SLITRK4: variants seen among roughly 807,000 people sequenced by gnomAD.
The protein encoded by SLITRK4 is SLIT and NTRK like family member 4.
In SLITRK4, 7 loss-of-function variants were observed where a neutral mutation model predicts 34.7. That is an observed-to-expected ratio of 0.20 (90% CI 0.11 to 0.38). The LOEUF is 0.38. Among genes scored for constraint, SLITRK4 ranks in the 10% least tolerant of loss-of-function variants. SLITRK4 has a pLI of 1.00. For missense variants in SLITRK4, 474 were observed against 607.0 expected (o/e 0.78, Z 2.30); for synonymous variants, 237 against 246.2 (o/e 0.96, Z 0.35).
At position 143,629,186 on chromosome X, in the gene SLITRK4, A is replaced by C; in HGVS notation, c.1923T>G (p.Phe641Leu). ...TVFVAFCLLV[F>L]VLRRNKKPTV... ...TGGGTTTCTTGTTGCGTCGCAGGACAAAAACAAGAAGGCAAAAAGCAACAA... is the reference window on the plus strand; with the variant it reads ...TGGGTTTCTTGTTGCGTCGCAGGACCAAAACAAGAAGGCAAAAAGCAACAA... The change falls in exon 2 of 2, where the codon TTT (phenylalanine) becomes TTG (leucine). Residue 641 changes from phenylalanine (F) to leucine (L), a missense_variant. Physicochemically the swap from Phe to Leu is conservative, Grantham distance 22 (BLOSUM62 0). Coordinates refer to ENST00000356928, the MANE Select transcript of SLITRK4 (RefSeq NM_001184749.3). 1 of 1,211,610 alleles carries C rather than the reference A, an allele frequency of 8.3e-7. No individual in the cohort carries two copies. The highest frequency in any genetic ancestry group is 1.7e-5 in the African/African-American group (1 of 57,811).
In SLITRK4 at chrX:143,625,987, G is replaced by A. The variant is rs1320817758; in HGVS notation, c.*2608C>T. On this transcript the variant is annotated 3_prime_UTR_variant, in exon 2 of 2. Transcript: ENST00000356928. ...GCTACAGCAAGCTTTTGAGATGGTG[G>A]CAGGTACTCTTGCCATTGAGAATTC... 1 of 111,491 alleles carries A rather than the reference G, an allele frequency of 9.0e-6. No homozygotes were observed. Among genetic ancestry groups the A allele is most frequent in the Non-Finnish European group, 1.9e-5 (1 of 52,825 alleles). 9.2% of individuals were successfully genotyped at this position (111,491 alleles called of 1,213,427 possible). A position where few individuals can be genotyped will look rare whatever the true frequency, so the allele number is the denominator to read the frequency against.
Position 143,629,843 on chromosome X carries a change from G to A in SLITRK4, c.1266C>T (p.His422=). Residue 422 remains histidine, a synonymous_variant, in exon 2 of 2, where the codon CAC becomes CAT. Transcript: ENST00000356928. ...QITVIKGDVF[H]NLTNLRRLYL... is the part of the protein sequence containing the mutation. ...ATAGCCTGCGTAAATTAGTGAGATTGTGAAATACGTCTCCCTTAATCACTG... is the reference window on the plus strand; with the variant it reads ...ATAGCCTGCGTAAATTAGTGAGATTATGAAATACGTCTCCCTTAATCACTG... 8.3e-7 allele frequency: 1 copy of A among 1,210,228 alleles called. No homozygotes were observed. Among genetic ancestry groups the A allele is most frequent in the Non-Finnish European group, 1.1e-6 (1 of 894,351 alleles).
intron 1 of SLITRK4, 100 bp from the exon 2 acceptor site, chrX:143,631,258 G>T: frequency 2.2e-6 from 1 of 447,738 alleles, no homozygotes; most frequent in Non-Finnish European, 3.6e-6. Flanking sequence ...AATTACCAGA[G>T]TTGTATTTGT....
chrX:143,628,640 G>A lies in SLITRK4; in HGVS notation c.2469C>T (p.Asp823=). ...ELKAKLQSSP[D]YLQVLEEQTA... is the part of the protein sequence containing the mutation. ...TTTGCTCCTCAAGGACCTGTAGGTA[G>A]TCAGGGGAACTCTGCAGTTTCGCCT... Residue 823 remains aspartate (D), a synonymous_variant, in exon 2 of 2, where the codon GAC becomes GAT. Transcript: ENST00000356928. The A allele has an allele frequency of 8.3e-7, 1 of 1,207,725 alleles. No individual in the cohort carries two copies. Among genetic ancestry groups the A allele is most frequent in the Non-Finnish European group, 1.1e-6 (1 of 893,866 alleles).
At position 143,628,539 on chromosome X, in the gene SLITRK4, A is replaced by G; in HGVS notation, c.*56T>C. 2.0e-6 allele frequency: 2 copies of G among 1,021,797 alleles called. No homozygotes were observed. Among genetic ancestry groups the G allele is most frequent in the South Asian group, 4.7e-5 (2 of 42,971 alleles). The allele number at this position is 1,021,797 out of a possible 1,213,427, so 84.2% of individuals were successfully genotyped here. A position where few individuals can be genotyped will look rare whatever the true frequency, so the allele number is the denominator to read the frequency against. ...TAGTATTTGGAAGTTAGAAGTCAAC[A>G]AAAGGCACTTTCATCATTAAATAAA... On this transcript the variant is annotated 3_prime_UTR_variant, in exon 2 of 2. Coordinates refer to ENST00000356928, the MANE Select transcript of SLITRK4 (RefSeq NM_001184749.3).
rs1364282360 is a variant in SLITRK4, at chrX:143,627,595, T to C, written c.*1000A>G. On this transcript the variant is annotated 3_prime_UTR_variant, in exon 2 of 2. Transcript: ENST00000356928. The stretch of plus-strand genomic sequence containing the variant: ...GTATATTTCTTTCTGTCTACATTTA[T>C]ACTTACTGATAAATTCACTGTGATC... The C allele has an allele frequency of 2.7e-5, 3 of 111,850 alleles. No homozygotes were observed. Among genetic ancestry groups the C allele is most frequent in the African/African-American group, 9.7e-5 (3 of 30,825 alleles). 9.2% of individuals were successfully genotyped at this position (111,850 alleles called of 1,213,427 possible).
rs201657858 is a variant in SLITRK4 at position 143,628,168 on chromosome X, C to CAA, written c.*425_*426dup. 9.8e-6 allele frequency: 1 copy of CAA among 101,981 alleles called. No individual in the cohort carries two copies. Among genetic ancestry groups the CAA allele is most frequent in the African/African-American group, 4.8e-5 (1 of 20,904 alleles). 8.4% of individuals were successfully genotyped at this position (101,981 alleles called of 1,213,427 possible). A position where few individuals can be genotyped will look rare whatever the true frequency, so the allele number is the denominator to read the frequency against. ...TTTACACGGAGTTGTTACAATGCCA[C>CAA]AAATCAAAAGGATTATTCCAGTTCC... On this transcript the variant is annotated 3_prime_UTR_variant, in exon 2 of 2. Transcript: ENST00000356928.
rs782669655 is a variant in SLITRK4, at chrX:143,624,955, A to T, written c.*3640T>A. ...ATTTTAAAATAGTGATTATAAATACATTCTTAATATAGTTTCTCCCCAACT... is the reference window on the plus strand; with the variant it reads ...ATTTTAAAATAGTGATTATAAATACTTTCTTAATATAGTTTCTCCCCAACT... On this transcript the variant is annotated 3_prime_UTR_variant, in exon 2 of 2. Transcript: ENST00000356928. 10 of 111,446 alleles carry T rather than the reference A, an allele frequency of 9.0e-5. 1 individual carries two copies. In the South Asian group the frequency reaches 3.7e-3, roughly 41 times the overall value. 9.2% of individuals were successfully genotyped at this position (111,446 alleles called of 1,213,427 possible).
At position 143,629,410 on chromosome X, in the gene SLITRK4, C is replaced by T; in HGVS notation, c.1699G>A (p.Ala567Thr). The T allele has an allele frequency of 1.7e-6, 2 of 1,211,343 alleles. No individual in the cohort carries two copies. The highest frequency in any genetic ancestry group is 2.2e-6 in the Non-Finnish European group (2 of 895,425). The change falls in exon 2 of 2, where the codon GCC becomes ACC. Residue 567 changes from alanine to threonine, a missense_variant. Coordinates refer to ENST00000356928, the MANE Select transcript of SLITRK4 (RefSeq NM_001184749.3). The stretch of plus-strand genomic sequence containing the variant: ...TTGAGGGACTTCAGTTCAATGTTGG[C>T]AAACTGAACAGGCGTCTCACATTTC... ...ELKCETPVQFANIELKSLKNE... is the reference protein window; with the variant it reads ...ELKCETPVQFTNIELKSLKNE...
At chrX:143,632,003 G>A (rs1931054685) in intron 1 of SLITRK4, among the ~76,000 whole-genome samples, 1 of 111,871 alleles carries the variant, frequency 8.9e-6, no homozygotes, top group African/African-American at 3.3e-5. Context: ...TCTCCAGGCA[G>A]TCTTTCCACT....
chrX:143,631,864 T>C (rs1931050428), intron 1 of SLITRK4, among the ~76,000 whole-genome samples: 2 of 111,642 alleles, frequency 1.8e-5, no homozygotes, highest in Admixed American at 1.9e-4. Context: ...GGCCAAATTT[T>C]ATTTTCTGGT....
rs1208162115 is a variant in SLITRK4 at position 143,624,111 on chromosome X, A to G, written c.*4484T>C. On this transcript the variant is annotated 3_prime_UTR_variant, in exon 2 of 2. Transcript: ENST00000356928. ...TTTCTGTGTTTACTTTTCTTACCAT[A>G]AATATATGAACCTTAAACCCACTGT... The G allele has an allele frequency of 9.0e-6, 1 of 111,621 alleles. No homozygotes were observed. Among genetic ancestry groups the G allele is most frequent in the African/African-American group, 3.2e-5 (1 of 30,843 alleles). The allele number at this position is 111,621 out of a possible 1,213,427, so 9.2% of individuals were successfully genotyped here. A position where few individuals can be genotyped will look rare whatever the true frequency, so the allele number is the denominator to read the frequency against.
chrX:143,631,396 T>C lies in SLITRK4; in HGVS notation c.-50-238A>G, dbSNP rs191254740. 4.8e-3 allele frequency among the ~76,000 whole-genome samples: 535 copies of C among 111,216 alleles called. 1 individual carries two copies. Among genetic ancestry groups the C allele is most frequent in the African/African-American group, 0.016 (503 of 30,576 alleles). ...CATGTGCAGAACACACAACTAACAG[T>C]AGGAAAATATATTATCAATCATGCT... On this transcript the variant is annotated intron_variant, in intron 1 of 1. Transcript: ENST00000356928.
At position 143,630,137 on chromosome X, in the gene SLITRK4, G is replaced by T; in HGVS notation, c.972C>A (p.Arg324=). The T allele has an allele frequency of 8.3e-7, 1 of 1,212,021 alleles. No homozygotes were observed. The highest frequency in any genetic ancestry group is 1.8e-5 in the South Asian group (1 of 57,000). ...GIVAGKALSN[R]NLSQIVSYQT... ...GGTAAGACACAATCTGACTGAGATT[G>T]CGGTTGGAGAGGGCTTTGCCTGCAA... is the stretch of plus-strand genomic sequence containing the variant. Residue 324 remains arginine (R), a synonymous_variant, in exon 2 of 2, where the codon CGC becomes CGA. Coordinates refer to ENST00000356928, the MANE Select transcript of SLITRK4 (RefSeq NM_001184749.3).
Position 143,629,349 on chromosome X carries a change from G to A in SLITRK4, c.1760C>T (p.Pro587Leu), listed in dbSNP as rs1292818470. 1.2e-5 allele frequency: 14 copies of A among 1,209,763 alleles called. No individual in the cohort carries two copies. In the East Asian group the frequency reaches 1.8e-4, roughly 15 times the overall value. Reference sequence around the variant, plus strand: ...TGCAGGGCTTGTGAATGGTGCAGACGGCTTATTTAAAAGTTTGGGACATAA... The same window carrying A: ...TGCAGGGCTTGTGAATGGTGCAGACAGCTTATTTAAAAGTTTGGGACATAA... ...EILCPKLLNK[P>L]SAPFTSPAPA... is the part of the protein sequence containing the mutation. The change falls in exon 2 of 2, where the codon CCG becomes CTG. Residue 587 changes from proline to leucine, a missense_variant. Pro to Leu is a moderately conservative substitution (Grantham distance 98). Coordinates refer to ENST00000356928, the MANE Select transcript of SLITRK4 (RefSeq NM_001184749.3).
In SLITRK4 at chrX:143,630,929, A is replaced by C; in HGVS notation, c.180T>G (p.Asn60Lys). Residue 60 changes from asparagine (N) to lysine (K), a missense_variant, in exon 2 of 2, where the codon AAT (asparagine) becomes AAG (lysine). Asn to Lys is a moderately conservative substitution (Grantham distance 94). Around this residue, in one of 3 missense-constraint regions of SLITRK4, gnomAD observed 84 missense variants for 101.3 expected, o/e 0.83. Coordinates refer to ENST00000356928, the MANE Select transcript of SLITRK4 (RefSeq NM_001184749.3). ...RPNQLKPPWSNFYHLNFQNNF... is the reference protein window; with the variant it reads ...RPNQLKPPWSKFYHLNFQNNF... ...TATTTTGGAAATTGAGGTGATAAAA[A>C]TTAGACCAAGGTGGTTTCAGCTGAT... 8.3e-7 allele frequency: 1 copy of C among 1,207,575 alleles called. No homozygotes were observed. The highest frequency in any genetic ancestry group is 1.1e-6 in the Non-Finnish European group (1 of 894,336).
At position 143,628,715 on chromosome X, in the gene SLITRK4, G is replaced by A; in HGVS notation, c.2394C>T (p.Asn798=). ...KKSKKSLIGG[N]HSKIVVEQRK... is the part of the protein sequence containing the mutation. ...TTTGTTCCACAACAATTTTACTGTG[G>A]TTGCCACCTATCAGTGACTTCTTAC... is the stretch of plus-strand genomic sequence containing the variant. Residue 798 remains asparagine (N), a synonymous_variant, in exon 2 of 2, where the codon AAC becomes AAT. Coordinates refer to ENST00000356928, the MANE Select transcript of SLITRK4 (RefSeq NM_001184749.3). 8.3e-7 allele frequency: 1 copy of A among 1,211,414 alleles called. No individual in the cohort carries two copies. The highest frequency in any genetic ancestry group is 1.1e-6 in the Non-Finnish European group (1 of 895,440).
In SLITRK4 at chrX:143,629,826, C is replaced by T. The variant is rs782819249; in HGVS notation, c.1283G>A (p.Arg428His). 7 of 1,209,699 alleles carry T rather than the reference C, an allele frequency of 5.8e-6. No homozygotes were observed. The highest frequency in any genetic ancestry group is 7.8e-6 in the Non-Finnish European group (7 of 894,059). ...TTGATTGCCATTGAGATATAGCCTG[C>T]GTAAATTAGTGAGATTGTGAAATAC... Reference protein sequence around the residue: ...GDVFHNLTNLRRLYLNGNQIE... With the variant: ...GDVFHNLTNLHRLYLNGNQIE... The change falls in exon 2 of 2, where the codon CGC (arginine) becomes CAC (histidine). Residue 428 changes from arginine (R) to histidine (H), a missense_variant. Physicochemically the swap from Arg to His is conservative, Grantham distance 29 (BLOSUM62 0). Around this residue, in one of 3 missense-constraint regions of SLITRK4, gnomAD observed 345 missense variants for 406.5 expected, o/e 0.85. Transcript: ENST00000356928.
rs924737644 is a variant in SLITRK4, at chrX:143,626,592, A to C, written c.*2003T>G. 3 of 108,968 alleles carry C rather than the reference A, an allele frequency of 2.8e-5. No individual in the cohort carries two copies. The highest frequency in any genetic ancestry group is 1.0e-4 in the Admixed American group (1 of 10,016). The allele number at this position is 108,968 out of a possible 1,213,427, so 9.0% of individuals were successfully genotyped here. A position where few individuals can be genotyped will look rare whatever the true frequency, so the allele number is the denominator to read the frequency against. On this transcript the variant is annotated 3_prime_UTR_variant, in exon 2 of 2. Transcript: ENST00000356928. ...AAGCTTCTTTTTTTTGTCTTGCAAC[A>C]AACACATAAAGCCCTGAAATTAGTG... is the stretch of plus-strand genomic sequence containing the variant.
Sources: allele counts gnomAD v4.1 joint callset (sites outside exome capture counted in the v4.1 genomes callset), GRCh38; gene constraint gnomAD v4.1.1; regional missense constraint gnomAD v4.1.1; transcripts MANE v1.5; gene names NCBI Gene and HGNC (gene_info 2026-07-23, HGNC 2026-07-21).